ANK2: variants seen among roughly 807,000 people sequenced by gnomAD.
The protein encoded by ANK2 is ankyrin 2, also known as ankyrin-2.
A neutral mutation model predicts 360.5 loss-of-function variants in ANK2; 83 were observed. The ratio of observed to expected loss-of-function variants is 0.23; its 90% CI spans 0.19 to 0.28. ANK2 has a LOEUF of 0.28. Ranked by LOEUF, ANK2 falls within the 10% of genes least tolerant of loss-of-function variation. The probability of loss-of-function intolerance (pLI) is 1.00; values close to 1 mark genes in which losing one functional copy is unlikely to be tolerated. For synonymous variants in ANK2, 1,740 were observed against 1,759.5 expected (o/e 0.99, Z 0.28); for missense variants, 4,201 against 4,795.7 (o/e 0.88, Z 3.66).
intron 2 of ANK2, among the ~76,000 whole-genome samples, chr4:113,040,952 G>T (rs1019219023): frequency 6.6e-6 from 1 of 151,930 alleles, no homozygotes; most frequent in African/African-American, 2.4e-5. Context: ...TTTCTGTTTA[G>T]GCAAGATGCC....
intron 2 of ANK2, among the ~76,000 whole-genome samples, chr4:113,042,251 C>T (rs2063143948): frequency 6.6e-6 from 1 of 152,116 alleles, no homozygotes; most frequent in South Asian, 2.1e-4. Flanking sequence ...GGCCTTCAGA[C>T]TCCAGGGCTT....
intron 2 of ANK2, among the ~76,000 whole-genome samples, chr4:113,041,105 C>T (rs548978586): frequency 5.9e-5 from 9 of 152,224 alleles, no homozygotes; most frequent in African/African-American, 2.2e-4. Flanking sequence ...AGATACCTCT[C>T]ATCATATCCA....
intron 2 of ANK2, among the ~76,000 whole-genome samples, chr4:113,193,904 G>C (rs1310987716): frequency 6.6e-6 from 1 of 152,152 alleles, no homozygotes; most frequent in Non-Finnish European, 1.5e-5. Context: ...ATATAAGTTA[G>C]TTGTACTTTT....
chr4:113,042,589 G>A (rs988926020), intron 2 of ANK2, among the ~76,000 whole-genome samples: 2 of 152,058 alleles, frequency 1.3e-5, no homozygotes, highest in South Asian at 2.1e-4. Context: ...AGATACCTAC[G>A]CGGGACACTG....
chr4:113,021,530 C>CCCCACACACACA (rs1554056650), intron 2 of ANK2, among the ~76,000 whole-genome samples: 1 of 13,088 alleles, frequency 7.6e-5, no homozygotes, highest in African/African-American at 2.3e-4. Context: ...ACACACACAC[C>CCCCACACACACA]CACACACAAA....
chr4:113,337,413 T>A lies in ANK2; in HGVS notation c.3796+632T>A, dbSNP rs111809910. Reference sequence around the variant, plus strand: ...AAAGACACTCCCAGAACGTTGGTAGTCTCTTCATAACAATGCCATCACAAA... The same window carrying A: ...AAAGACACTCCCAGAACGTTGGTAGACTCTTCATAACAATGCCATCACAAA... On this transcript the variant is annotated intron_variant, in intron 31 of 45. Coordinates refer to ENST00000357077, the MANE Select transcript of ANK2 (RefSeq NM_001148.6). Among the ~76,000 whole-genome samples, 1,463 of 152,276 alleles carry A rather than the reference T, an allele frequency of 9.6e-3. 26 individuals are homozygous for A. The highest frequency in any genetic ancestry group is 0.033 in the African/African-American group (1,379 of 41,550).
chr4:112,717,006 G>T, the ANK2 span, among the ~76,000 whole-genome samples: 2 of 152,238 alleles, frequency 1.3e-5, no homozygotes, highest in African/African-American at 4.8e-5. Context: ...TCCTTTTAAT[G>T]AAATTAAGCA....
chr4:113,232,338 C>T (rs1052808174), intron 5 of ANK2, 79 bp downstream of exon 5: 3 of 1,094,240 alleles, frequency 2.7e-6, no homozygotes, highest in Non-Finnish European at 4.2e-6. Context: ...AAATAGTCTC[C>T]ATTACTTTGT....
chr4:112,910,990 G>T (rs1371163994), intron 2 of ANK2, among the ~76,000 whole-genome samples: 49 of 128,396 alleles, frequency 3.8e-4, no homozygotes, highest in African/African-American at 1.3e-3. Flanking sequence ...ATGGAGTCTC[G>T]CTCTGTCGAC....
At chr4:113,308,989 A>C (rs2078554042) in intron 23 of ANK2, among the ~76,000 whole-genome samples, 2 of 152,214 alleles carry the variant, frequency 1.3e-5, no homozygotes, top group South Asian at 4.1e-4. Flanking sequence ...GGGGCTCATT[A>C]AATACATTTA....
At chr4:112,832,402 C>A (rs1299367241) in intron 1 of ANK2, among the ~76,000 whole-genome samples, 1 of 152,084 alleles carries the variant, frequency 6.6e-6, no homozygotes, top group Non-Finnish European at 1.5e-5. Flanking sequence ...TACCCCTGAA[C>A]CTAAAATAAA....
intron 1 of ANK2, among the ~76,000 whole-genome samples, chr4:112,863,556 T>A (rs1299147359): frequency 7.4e-6 from 1 of 134,806 alleles, no homozygotes; most frequent in Non-Finnish European, 1.5e-5. Context: ...GGAGTCTCGC[T>A]CTGTCACCCA....
chr4:113,012,463 T>G (rs2154292927), intron 2 of ANK2, among the ~76,000 whole-genome samples: 1 of 152,274 alleles, frequency 6.6e-6, no homozygotes, highest in Admixed American at 6.5e-5. Flanking sequence ...CAACTCTGGT[T>G]TAAGCATTTG....
intron 14 of ANK2, 76 bp downstream of exon 14, chr4:113,265,071 A>T: frequency 7.4e-7 from 1 of 1,358,998 alleles, no homozygotes; most frequent in East Asian, 2.5e-5. Context: ...GTTGCCCTTC[A>T]GTTCCTTGAT....
At position 113,341,811 on chromosome 4, in the gene ANK2, C is replaced by T. The variant is rs2094332625; in HGVS notation, c.4017C>T (p.Pro1339=). ...TAGTGTTTGCCAAATCACATGACCC[C>T]ATTGAAGCCAGGTTGAGGTGTTTCT... The part of the protein sequence containing the change: ...KFVVFAKSHD[P]IEARLRCFCM... The change falls in exon 33 of 46, where the codon CCC becomes CCT. Residue 1339 remains proline, a synonymous_variant. Coordinates refer to ENST00000357077, the MANE Select transcript of ANK2 (RefSeq NM_001148.6). The T allele has an allele frequency of 1.2e-6, 2 of 1,614,100 alleles. No homozygotes were observed. The highest frequency in any genetic ancestry group is 1.7e-6 in the Non-Finnish European group (2 of 1,180,024).
intron 1 of ANK2, among the ~76,000 whole-genome samples, chr4:112,847,363 A>C (rs969698336): frequency 6.6e-6 from 1 of 152,158 alleles, no homozygotes; most frequent in African/African-American, 2.4e-5. Context: ...AATCTCAATC[A>C]TTCTTGATTC....
chr4:112,908,443 G>A (rs1224878378), intron 2 of ANK2, among the ~76,000 whole-genome samples: 1 of 152,156 alleles, frequency 6.6e-6, no homozygotes, highest in Non-Finnish European at 1.5e-5. Context: ...CAGACAGCTA[G>A]GATAAGATGT....
intron 1 of ANK2, among the ~76,000 whole-genome samples, chr4:113,125,372 C>T (rs756553390): frequency 5.9e-5 from 9 of 151,886 alleles, no homozygotes; most frequent in Non-Finnish European, 1.3e-4. Context: ...AAAGTTTAGC[C>T]GATAACCCTT....
chr4:113,309,305 T>C (rs1247926403), intron 23 of ANK2, among the ~76,000 whole-genome samples: 1 of 152,178 alleles, frequency 6.6e-6, no homozygotes, highest in Non-Finnish European at 1.5e-5. Flanking sequence ...CTCTGAGACA[T>C]AATCAAGACA....
Sources: gnomAD v4.1 joint callset for allele counts (sites outside exome capture counted in the v4.1 genomes callset) on GRCh38, gnomAD v4.1.1 for gene constraint, MANE v1.5 for transcripts, NCBI Gene and HGNC (gene_info 2026-07-23, HGNC 2026-07-21) for gene names.